Variants in MMP26 observed in about 807,000 individuals in gnomAD.
MMP26 encodes the protein matrix metalloproteinase-26.
Under a neutral mutation model 31.0 loss-of-function variants are expected in MMP26, and 33 were observed. The observed-to-expected ratio is 1.06, with a 90% CI of 0.81 to 1.42. MMP26 has a LOEUF of 1.42. Ranked by LOEUF, MMP26 falls within the 40% of genes most tolerant of loss-of-function variation. The probability of loss-of-function intolerance (pLI) is 0.00; values close to 1 mark genes in which losing one functional copy is unlikely to be tolerated. For synonymous variants in MMP26, 122 were observed against 114.9 expected (o/e 1.06, Z -0.40); for missense variants, 347 against 316.1 (o/e 1.10, Z -0.74).
chr11:4,737,557 C>T (rs1439353979), intron 1 of MMP26, among the ~76,000 whole-genome samples: 7 of 152,160 alleles, frequency 4.6e-5, no homozygotes, highest in African/African-American at 1.7e-4. Context: ...GCAGGAGAAT[C>T]GCTTGAACCC....
chr11:4,910,668 T>C (rs756858708), intron 2 of MMP26, among the ~76,000 whole-genome samples: 1 of 152,130 alleles, frequency 6.6e-6, no homozygotes, highest in South Asian at 2.1e-4. Flanking sequence ...CTTTAATTGT[T>C]TAAAGATTGC....
intron 2 of MMP26, among the ~76,000 whole-genome samples, chr11:4,870,867 G>A (rs544463154): frequency 6.6e-6 from 1 of 152,212 alleles, no homozygotes; most frequent in Non-Finnish European, 1.5e-5. Context: ...ATATACACTT[G>A]TAGTTAATCA....
intron 2 of MMP26, among the ~76,000 whole-genome samples, chr11:4,878,525 G>T (rs1464841367): frequency 6.6e-6 from 1 of 152,066 alleles, no homozygotes; most frequent in Non-Finnish European, 1.5e-5. Flanking sequence ...CTCAACCTCA[G>T]CCTCACTTCT....
chr11:4,985,966 C>A (rs1846879655), intron 2 of MMP26, among the ~76,000 whole-genome samples: 2 of 152,124 alleles, frequency 1.3e-5, no homozygotes, highest in South Asian at 4.2e-4. Flanking sequence ...ATAGGATTAC[C>A]ATTTGGTTTC....
chr11:4,778,543 C>T (rs77442594), intron 2 of MMP26, among the ~76,000 whole-genome samples: 6,490 of 151,960 alleles, frequency 0.043, 481 homozygotes, highest in African/African-American at 0.15. Context: ...GCTTTGATGC[C>T]TGGTATTATA....
At chr11:4,878,155 T>A (rs1390321785) in intron 2 of MMP26, 1 of 152,188 alleles carries the variant, frequency 6.6e-6, no homozygotes, top group Non-Finnish European at 1.5e-5. Flanking sequence ...GTCTTTTGTG[T>A]CTAGCTTCTT....
chr11:4,710,393 C>T, intron 1 of MMP26: 1 of 456,932 alleles, frequency 2.2e-6, no homozygotes, highest in Non-Finnish European at 4.4e-6. Flanking sequence ...CCCTTGTGCA[C>T]ATGCTCATTG....
chr11:4,925,141 T>C (rs72858179), intron 2 of MMP26, among the ~76,000 whole-genome samples: 15,987 of 152,186 alleles, frequency 0.11, 955 homozygotes, highest in South Asian at 0.24. Flanking sequence ...GTTCTATTCT[T>C]AGGAGCATAG....
intron 2 of MMP26, among the ~76,000 whole-genome samples, chr11:4,809,278 T>C (rs551911438): frequency 5.9e-5 from 9 of 152,266 alleles, no homozygotes; most frequent in African/African-American, 2.2e-4. Flanking sequence ...ACATAACACG[T>C]TTAACGTCAG....
intron 2 of MMP26, among the ~76,000 whole-genome samples, chr11:4,873,608 A>C (rs1476197595): frequency 1.3e-5 from 2 of 152,146 alleles, no homozygotes; most frequent in African/African-American, 2.4e-5. Context: ...TTAGAATTAC[A>C]TAAATAGATT....
At chr11:4,896,771 G>A (rs552617394) in intron 2 of MMP26, among the ~76,000 whole-genome samples, 30 of 152,074 alleles carry the variant, frequency 2.0e-4, no homozygotes, top group Admixed American at 3.3e-4. Flanking sequence ...ATCCACTTAC[G>A]CAAACAAGTA....
rs535458985 is a variant in MMP26 at position 4,921,831 on chromosome 11, T to A, written c.-144-66237T>A. ...GATCTTTATTAATTTTTAAAAAGTT[T>A]TATTAAAAGTTATTGCTTTTAAAAA... is the stretch of plus-strand genomic sequence containing the variant. On this transcript the variant is annotated intron_variant, in intron 2 of 7. Transcript: ENST00000380390. 2.8e-3 allele frequency among the ~76,000 whole-genome samples: 429 copies of A among 152,334 alleles called. 2 individuals are homozygous for A. Among genetic ancestry groups the A allele is most frequent in the South Asian group, 6.0e-3 (29 of 4,824 alleles).
intron 2 of MMP26, among the ~76,000 whole-genome samples, chr11:4,829,546 C>A (rs1849618581): frequency 6.6e-6 from 1 of 152,126 alleles, no homozygotes; most frequent in African/African-American, 2.4e-5. Flanking sequence ...CTGGGCTGAA[C>A]AATTTCCCTT....
At chr11:4,931,792 T>C (rs16907494) in intron 2 of MMP26, among the ~76,000 whole-genome samples, 19,086 of 151,960 alleles carry the variant, frequency 0.13, 1,305 homozygotes, top group Middle Eastern at 0.24. Flanking sequence ...GCATTTTTCT[T>C]AGAAAGGAGA....
chr11:4,899,285 G>A (rs769545816), intron 2 of MMP26, among the ~76,000 whole-genome samples: 8 of 152,128 alleles, frequency 5.3e-5, no homozygotes, highest in Non-Finnish European at 1.0e-4. Flanking sequence ...CTTCATTTGG[G>A]AATAGCTCTT....
chr11:4,776,807 G>A (rs554567989), intron 2 of MMP26, among the ~76,000 whole-genome samples: 4 of 152,022 alleles, frequency 2.6e-5, no homozygotes, highest in South Asian at 4.2e-4. Context: ...TAAGTTTCCC[G>A]AGTCTTCCCA....
rs1342255575 is a variant in MMP26 at position 4,722,620 on chromosome 11, A to G, written c.-217+17575A>G. 1.5e-5 allele frequency: 9 copies of G among 606,916 alleles called. No homozygotes were observed. In the Admixed American group the frequency reaches 2.4e-4, roughly 16 times the overall value. The allele number at this position is 606,916 out of a possible 1,614,324, so 37.6% of individuals were successfully genotyped here. On this transcript the variant is annotated intron_variant, in intron 1 of 7. Transcript: ENST00000380390. Reference sequence around the variant, plus strand: ...CTCCCCCGTGGGTGGGCTGAGGGCTAGGGCTGAGCCTCAGGTGGGTCCCCT... The same window carrying G: ...CTCCCCCGTGGGTGGGCTGAGGGCTGGGGCTGAGCCTCAGGTGGGTCCCCT...
chr11:4,745,013 A>G (rs146035425), intron 1 of MMP26, among the ~76,000 whole-genome samples: 60 of 152,318 alleles, frequency 3.9e-4, no homozygotes, highest in African/African-American at 1.4e-3. Context: ...AGAATTTATT[A>G]TACATAGTTT....
chr11:4,860,983 A>G (rs1325523291), intron 2 of MMP26, among the ~76,000 whole-genome samples: 5 of 151,538 alleles, frequency 3.3e-5, no homozygotes, highest in Non-Finnish European at 5.9e-5. Context: ...CAATACCATC[A>G]CCAGACACCC....
Sources: allele counts gnomAD v4.1 joint callset (sites outside exome capture counted in the v4.1 genomes callset), GRCh38; gene constraint gnomAD v4.1.1; transcripts MANE v1.5; gene names NCBI Gene and HGNC (gene_info 2026-07-23, HGNC 2026-07-21).